The following IL7 variants were observed in gnomAD, a reference collection of about 807,000 sequenced individuals.
IL7 encodes the protein interleukin-7.
IL7 carries 3 observed loss-of-function variants against 21.6 expected under a neutral mutation model. The ratio of observed to expected loss-of-function variants is 0.14; its 90% CI spans 0.06 to 0.36. The LOEUF (loss-of-function observed/expected upper bound fraction) is 0.36, where lower values mean the gene tolerates loss of function less well. Among genes scored for constraint, IL7 ranks in the 10% least tolerant of loss-of-function variants. The pLI, the probability that IL7 is intolerant of heterozygous loss-of-function variation, is 1.00. For missense variants in IL7, 175 were observed against 200.2 expected (o/e 0.87, Z 0.76); for synonymous variants, 62 against 68.1 (o/e 0.91, Z 0.44).
intron 2 of IL7, among the ~76,000 whole-genome samples, chr8:78,791,850 A>T (rs1021809334): frequency 6.6e-5 from 10 of 152,146 alleles, no homozygotes; most frequent in Admixed American, 5.2e-4. Context: ...ATGGAGTCAC[A>T]TGGTTTAGTA....
intron 2 of IL7, among the ~76,000 whole-genome samples, chr8:78,783,219 C>T (rs934257078): frequency 6.6e-6 from 1 of 152,166 alleles, no homozygotes; most frequent in Admixed American, 6.5e-5. Flanking sequence ...GTGCTTGGAA[C>T]CCAAGGCCCT....
chr8:78,694,299 T>TTC (rs1554592626), intron 3 of IL7, among the ~76,000 whole-genome samples: 5 of 141,930 alleles, frequency 3.5e-5, no homozygotes, highest in Non-Finnish European at 6.2e-5. Flanking sequence ...TTTTTTTTTT[T>TTC]CTCATTCAGT....
chr8:78,685,879 T>G (rs1357957718), intron 4 of IL7: 1 of 152,292 alleles, frequency 6.6e-6, no homozygotes, highest in Non-Finnish European at 1.5e-5. Flanking sequence ...AAAAGAAATG[T>G]ATCTCTCACT....
At chr8:78,696,186 T>C (rs7825406) in intron 3 of IL7, among the ~76,000 whole-genome samples, 118,208 of 151,648 alleles carry the variant, frequency 0.78, 46,449 homozygotes, top group East Asian at 0.91. Flanking sequence ...AGGCGCCCGC[T>C]ACCACGCCCG....
intron 2 of IL7, among the ~76,000 whole-genome samples, chr8:78,741,685 T>G (rs771390361): frequency 3.3e-5 from 5 of 152,326 alleles, no homozygotes; most frequent in Non-Finnish European, 7.3e-5. Context: ...CAGTTGATTA[T>G]TTTTTACCTA....
intron 3 of IL7, among the ~76,000 whole-genome samples, chr8:78,687,883 T>TTATATAAATA (rs1810070944): frequency 2.3e-5 from 3 of 127,996 alleles, no homozygotes; most frequent in East Asian, 2.2e-4. Context: ...AAATATATAT[T>TTATATAAATA]TATATAATAA....
chr8:78,786,876 T>C (rs1813525961), intron 2 of IL7, among the ~76,000 whole-genome samples: 1 of 152,158 alleles, frequency 6.6e-6, no homozygotes, highest in Non-Finnish European at 1.5e-5. Flanking sequence ...GGGTTGGGAC[T>C]TTCGGCCCCA....
At chr8:78,803,742 G>A (rs1398335630) in intron 1 of IL7, among the ~76,000 whole-genome samples, 1 of 152,178 alleles carries the variant, frequency 6.6e-6, no homozygotes, top group East Asian at 1.9e-4. Context: ...GGAAAATAGG[G>A]TTGTGCTCAA....
At chr8:78,799,612 C>T (rs560460522) in intron 1 of IL7, among the ~76,000 whole-genome samples, 2 of 151,802 alleles carry the variant, frequency 1.3e-5, no homozygotes, top group Non-Finnish European at 2.9e-5. Context: ...TAGTTGAGTA[C>T]CTACCATGTG....
intron 2 of IL7, among the ~76,000 whole-genome samples, chr8:78,751,104 A>C (rs1812155001): frequency 6.7e-6 from 1 of 150,236 alleles, no homozygotes; most frequent in African/African-American, 2.4e-5. Flanking sequence ...AAAAAAAAAA[A>C]CTGATAAAAA....
intron 2 of IL7, among the ~76,000 whole-genome samples, chr8:78,759,517 A>G (rs1812475252): frequency 6.6e-6 from 1 of 152,162 alleles, no homozygotes; most frequent in Non-Finnish European, 1.5e-5. Context: ...TAAAAAGCTT[A>G]GGAAGATGTA....
At chr8:78,697,637 T>G (rs1307792352) in intron 3 of IL7, 7 of 667,100 alleles carry the variant, frequency 1.0e-5, no homozygotes, top group Non-Finnish European at 2.4e-6. Flanking sequence ...AGTTAAGTAA[T>G]TATTTTTTAA....
chr8:78,726,315 A>G (rs903269970), intron 3 of IL7, among the ~76,000 whole-genome samples: 2 of 151,988 alleles, frequency 1.3e-5, no homozygotes, highest in Non-Finnish European at 2.9e-5. Flanking sequence ...ACAAGAGAGG[A>G]AAGAGTATTT....
At chr8:78,686,548 G>A (rs1438650947) in intron 3 of IL7, 2 of 1,545,604 alleles carry the variant, frequency 1.3e-6, no homozygotes, top group African/African-American at 2.8e-5. Context: ...TAAAGGCCTT[G>A]ATCAGGCCCT....
intron 2 of IL7, among the ~76,000 whole-genome samples, chr8:78,786,165 A>G (rs866158865): frequency 1.3e-5 from 2 of 152,182 alleles, no homozygotes; most frequent in Non-Finnish European, 2.9e-5. Flanking sequence ...AGATGATTTC[A>G]TCATCGCACA....
At chr8:78,746,102 T>A (rs1022034783) in intron 2 of IL7, among the ~76,000 whole-genome samples, 2 of 152,192 alleles carry the variant, frequency 1.3e-5, no homozygotes, top group Non-Finnish European at 2.9e-5. Context: ...CAGATTAGAA[T>A]TTTTTTATCT....
intron 2 of IL7, among the ~76,000 whole-genome samples, chr8:78,763,008 G>C (rs1812629520): frequency 6.6e-6 from 1 of 152,206 alleles, no homozygotes; most frequent in African/African-American, 2.4e-5. Context: ...TGTCGTCTCT[G>C]TATGTTCTAT....
At chr8:78,680,650 A>G (rs192930453) in intron 4 of IL7, among the ~76,000 whole-genome samples, 1 of 152,358 alleles carries the variant, frequency 6.6e-6, no homozygotes, top group East Asian at 1.9e-4. Context: ...AAAGGTAGGC[A>G]TAATTCATAG....
intron 2 of IL7, among the ~76,000 whole-genome samples, chr8:78,777,068 T>C (rs1276359500): frequency 1.3e-5 from 2 of 152,004 alleles, no homozygotes; most frequent in East Asian, 3.9e-4. Context: ...GAAAAACAAC[T>C]GAAGCACAAA....
Sources: allele counts gnomAD v4.1 joint callset (sites outside exome capture counted in the v4.1 genomes callset), GRCh38; gene constraint gnomAD v4.1.1; transcripts MANE v1.5; gene names NCBI Gene and HGNC (gene_info 2026-07-23, HGNC 2026-07-21).